CCNL1: variants seen among roughly 807,000 people sequenced by gnomAD.
CCNL1 encodes cyclin-L1.
Under a neutral mutation model 60.6 loss-of-function variants are expected in CCNL1, and 13 were observed. The observed-to-expected ratio is 0.21, with a 90% confidence interval of 0.14 to 0.34. The LOEUF (loss-of-function observed/expected upper bound fraction) is 0.34. Among genes scored for constraint, CCNL1 ranks in the 10% least tolerant of loss-of-function variants. The probability of loss-of-function intolerance (pLI) is 1.00; values close to 1 mark genes in which losing one functional copy is unlikely to be tolerated. For synonymous variants in CCNL1, 270 were observed against 244.3 expected, an observed-to-expected ratio of 1.10 and a Z score of -0.98; for missense variants, 481 against 664.3, an observed-to-expected ratio of 0.72 and a Z score of 3.03.
downstream of CCNL1, chr3:157,146,497 A>G (rs761915415): frequency 1.3e-5 from 6 of 449,924 alleles, no homozygotes; most frequent in East Asian, 2.1e-4. Flanking sequence ...GATTAGGGAC[A>G]TAAGTAATTT....
chr3:157,152,884 A>G, intron 4 of CCNL1, 152 bp downstream of exon 4: 1 of 1,403,182 alleles, frequency 7.1e-7, no homozygotes, highest in Non-Finnish European at 9.2e-7. Flanking sequence ...CTCAACATCC[A>G]AAAGAATGTT....
chr3:157,159,649 C>T, intron 1 of CCNL1, 143 bp downstream of exon 1: 4 of 1,011,948 alleles, frequency 4.0e-6, no homozygotes, highest in East Asian at 2.7e-5. Flanking sequence ...CGCCCCGGCA[C>T]GCCCCGGCCG....
chr3:157,144,654 G>A (rs145604052), downstream of CCNL1, among the ~76,000 whole-genome samples: 366 of 152,358 alleles, frequency 2.4e-3, no homozygotes, highest in Non-Finnish European at 3.3e-3. Context: ...ACGCTGCTCC[G>A]TTCCTATTTC....
intron 4 of CCNL1, chr3:157,152,572 C>G: frequency 9.3e-7 from 1 of 1,077,122 alleles, no homozygotes; most frequent in Non-Finnish European, 1.1e-6. Context: ...AGTCCTGACC[C>G]GGGTAACTCA....
chr3:157,159,779 C>CTCCG lies in CCNL1; in HGVS notation c.303+12_303+13insCGGA. 1 of 1,523,638 alleles carries CTCCG rather than the reference C, an allele frequency of 6.6e-7. No homozygotes were observed. The highest frequency in any genetic ancestry group is 8.9e-7 in the Non-Finnish European group (1 of 1,128,780). The allele number at this position is 1,523,638 out of a possible 1,614,324, so 94.4% of individuals were successfully genotyped here. On this transcript the variant is annotated intron_variant, in intron 1 of 10. Transcript: ENST00000295926. ...AGAGGAGCGCCCGGCCGGCCCGGGG[C>CTCCG]CGGAGCACTGACCTGCGGCAGCCGG...
intron 3 of CCNL1, among the ~76,000 whole-genome samples, chr3:157,155,156 T>G (rs1277966186): frequency 1.3e-5 from 2 of 152,160 alleles, no homozygotes; most frequent in East Asian, 1.9e-4. Context: ...ATTTTAACTC[T>G]TAACCCCTTG....
downstream of CCNL1, chr3:157,146,657 T>C: frequency 2.6e-6 from 1 of 379,276 alleles, no homozygotes; most frequent in Non-Finnish European, 5.1e-6. Flanking sequence ...ATTAATTTGC[T>C]AACAGGGCCT....
chr3:157,144,943 TTAA>T (rs1468115750), downstream of CCNL1, among the ~76,000 whole-genome samples: 6 of 152,218 alleles, frequency 3.9e-5, no homozygotes, highest in African/African-American at 1.4e-4. Context: ...GACTGTGGTG[TTAA>T]TAATGGGGTT....
rs541336832 is a variant in CCNL1, at chr3:157,147,602, G to A, written c.*639C>T. ...AACATTTAATGTCACATTGTTGGGC[G>A]ACTCCCATTTACTTTTTCCATATAT... On this transcript the variant is annotated 3_prime_UTR_variant, in exon 11 of 11. Coordinates refer to ENST00000295926, the MANE Select transcript of CCNL1 (RefSeq NM_020307.4). The A allele has an allele frequency of 5.1e-6, 5 of 985,266 alleles. No individual in the cohort carries two copies. Among genetic ancestry groups the A allele is most frequent in the African/African-American group, 3.5e-5 (2 of 57,306 alleles). 61.0% of individuals were successfully genotyped at this position (985,266 alleles called of 1,614,324 possible).
At chr3:157,151,990 TA>T (rs1738234147) in intron 5 of CCNL1, 186 bp downstream of exon 5, 1 of 1,403,830 alleles carries the variant, frequency 7.1e-7, no homozygotes, top group Admixed American at 3.1e-5. Flanking sequence ...TAAAAGTAAT[TA>T]GTCAAGCCAA....
Position 157,147,682 on chromosome 3 carries a change from C to T in CCNL1, c.*559G>A, listed in dbSNP as rs1737838840. On this transcript the variant is annotated 3_prime_UTR_variant, in exon 11 of 11. Transcript: ENST00000295926. ...CAGTTAAGAATTGCATTTTAATAAT[C>T]TCAAACTACCATCTAATGGAGGAAA... The T allele has an allele frequency of 4.1e-6, 4 of 985,040 alleles. No homozygotes were observed. The highest frequency in any genetic ancestry group is 4.8e-6 in the Non-Finnish European group (4 of 829,580). The allele number at this position is 985,040 out of a possible 1,614,324, so 61.0% of individuals were successfully genotyped here. A position where few individuals can be genotyped will look rare whatever the true frequency, so the allele number is the denominator to read the frequency against.
rs371283271 is a variant in CCNL1 at position 157,159,834 on chromosome 3, G to A, written c.261C>T (p.Cys87=). 4.5e-6 allele frequency: 7 copies of A among 1,549,482 alleles called. No homozygotes were observed. The highest frequency in any genetic ancestry group is 2.7e-5 in the African/African-American group (2 of 73,202). ...PSETDLRILG[C]ELIQAAGILL... is the part of the protein sequence containing the mutation. ...GAATGCCGGCGGCCTGGATGAGCTCGCAGCCCAGGATGCGTAAGTCCGTCT... is the reference window on the plus strand; with the variant it reads ...GAATGCCGGCGGCCTGGATGAGCTCACAGCCCAGGATGCGTAAGTCCGTCT... The change falls in exon 1 of 11, where the codon TGC becomes TGT. Residue 87 remains cysteine (C), a synonymous_variant. Coordinates refer to ENST00000295926, the MANE Select transcript of CCNL1 (RefSeq NM_020307.4).
intron 5 of CCNL1, chr3:157,151,302 A>G: frequency 1.0e-6 from 1 of 985,700 alleles, no homozygotes; most frequent in Non-Finnish European, 1.2e-6. Flanking sequence ...AGTCCTTCAC[A>G]TCAATAGTCT....
intron 3 of CCNL1, chr3:157,157,082 C>T: frequency 7.8e-7 from 1 of 1,289,754 alleles, no homozygotes. Flanking sequence ...TGTAGCTGGT[C>T]GCTGTATAGT....
intron 3 of CCNL1, 69 bp from the exon 4 acceptor site, chr3:157,153,225 A>G (rs771193381): frequency 6.6e-5 from 100 of 1,524,002 alleles, no homozygotes; most frequent in Middle Eastern, 1.8e-4. Flanking sequence ...TGGCATCTCC[A>G]TTTTCCCTTC....
rs762715098 is a variant in CCNL1 at position 157,158,850 on chromosome 3, A to G, written c.488+16T>C. On this transcript the variant is annotated intron_variant, in intron 3 of 10. Coordinates refer to ENST00000295926, the MANE Select transcript of CCNL1 (RefSeq NM_020307.4). The stretch of plus-strand genomic sequence containing the variant: ...GCAGTAGCAAGAGATACTATGTTCA[A>G]TAATGCCAATCTTACCTTTTTCCTC... 7 of 1,505,648 alleles carry G rather than the reference A, an allele frequency of 4.6e-6. No individual in the cohort carries two copies. Among genetic ancestry groups the G allele is most frequent in the Middle Eastern group, 1.7e-4 (1 of 5,862 alleles). 93.3% of individuals were successfully genotyped at this position (1,505,648 alleles called of 1,614,324 possible).
At chr3:157,152,943 T>A (rs1738309228) in intron 4 of CCNL1, 93 bp downstream of exon 4, 1 of 1,554,622 alleles carries the variant, frequency 6.4e-7, no homozygotes, top group African/African-American at 1.4e-5. Context: ...AAACCAAGGT[T>A]AACACTCAGA....
chr3:157,149,230 G>A (rs74453702), intron 10 of CCNL1, 57 bp downstream of exon 10: 2 of 1,351,834 alleles, frequency 1.5e-6, no homozygotes, highest in African/African-American at 2.9e-5. Flanking sequence ...TAAAGAAAAA[G>A]CAATAACCTT....
At chr3:157,157,781 ACT>A (rs1359514379) in intron 3 of CCNL1, among the ~76,000 whole-genome samples, 2 of 152,208 alleles carry the variant, frequency 1.3e-5, no homozygotes, top group African/African-American at 4.8e-5. Flanking sequence ...TTAAAAAAGA[ACT>A]GTCTGTAGAC....
Sources: gnomAD v4.1 joint callset for allele counts (sites outside exome capture counted in the v4.1 genomes callset) on GRCh38, gnomAD v4.1.1 for gene constraint, MANE v1.5 for transcripts, NCBI Gene and HGNC (gene_info 2026-07-23, HGNC 2026-07-21) for gene names.